The following MYRIP variants were observed in gnomAD, a reference collection of about 807,000 sequenced individuals.
MYRIP encodes the protein myosin VIIA and Rab interacting protein.
A neutral mutation model predicts 98.0 loss-of-function variants in MYRIP; 49 were observed. The ratio of observed to expected loss-of-function variants is 0.50; its 90% CI spans 0.40 to 0.63. The LOEUF (loss-of-function observed/expected upper bound fraction) is 0.63. Ranked by LOEUF, MYRIP falls within the 30% of genes least tolerant of loss-of-function variation. The probability of loss-of-function intolerance (pLI) is 0.00; values close to 1 mark genes in which losing one functional copy is unlikely to be tolerated. For missense variants in MYRIP, 1,004 were observed against 1,058.2 expected (o/e 0.95, Z 0.71); for synonymous variants, 404 against 409.5 (o/e 0.99, Z 0.16).
chr3:40,081,029 A>T (rs565553053), intron 3 of MYRIP, among the ~76,000 whole-genome samples: 11 of 152,116 alleles, frequency 7.2e-5, no homozygotes, highest in African/African-American at 2.6e-4. Flanking sequence ...TTTTTAAATT[A>T]ACAAAATATG....
intron 2 of MYRIP, among the ~76,000 whole-genome samples, chr3:39,937,480 C>G (rs912909699): frequency 9.9e-5 from 15 of 152,140 alleles, no homozygotes; most frequent in African/African-American, 3.6e-4. Context: ...TTTACTCTGA[C>G]CAGTTTCTGT....
At chr3:40,091,290 C>T (rs1948732843) in intron 3 of MYRIP, among the ~76,000 whole-genome samples, 2 of 136,096 alleles carry the variant, frequency 1.5e-5, no homozygotes, top group African/African-American at 2.6e-5. Context: ...AGATGCTTCA[C>T]CTTAGTAAAA....
intron 11 of MYRIP, among the ~76,000 whole-genome samples, chr3:40,227,207 T>A (rs574332753): frequency 3.7e-4 from 56 of 152,156 alleles, no homozygotes; most frequent in African/African-American, 1.3e-3. Flanking sequence ...CCAGAAGGAA[T>A]TAAATTAGTG....
At chr3:39,922,967 AAAT>A (rs74279287) in intron 2 of MYRIP, among the ~76,000 whole-genome samples, 1 of 151,568 alleles carries the variant, frequency 6.6e-6, no homozygotes, top group Non-Finnish European at 1.5e-5. Flanking sequence ...TACTAGAAAC[AAAT>A]AATAATAATA....
At chr3:40,016,673 A>T (rs1263768333) in intron 2 of MYRIP, among the ~76,000 whole-genome samples, 2 of 152,174 alleles carry the variant, frequency 1.3e-5, no homozygotes, top group Non-Finnish European at 2.9e-5. Context: ...CACAGTCTCC[A>T]TCTCAGGCTC....
intron 3 of MYRIP, among the ~76,000 whole-genome samples, chr3:40,142,156 G>T (rs913720310): frequency 7.1e-6 from 1 of 141,644 alleles, no homozygotes; most frequent in African/African-American, 2.6e-5. Flanking sequence ...AGGTTCAAAT[G>T]ATTCTCCTGC....
intron 11 of MYRIP, among the ~76,000 whole-genome samples, chr3:40,218,625 TATATATATATATA>T (rs1952220488): frequency 1.8e-4 from 3 of 17,084 alleles, no homozygotes; most frequent in African/African-American, 3.1e-4. Context: ...TATATATATA[TATATATATATATA>T]TATATATATA....
chr3:40,078,233 A>C (rs2125866725), intron 3 of MYRIP, among the ~76,000 whole-genome samples: 1 of 152,288 alleles, frequency 6.6e-6, no homozygotes, highest in African/African-American at 2.4e-5. Context: ...GCGGCCCGCC[A>C]AGCCCACGCC....
At chr3:39,964,626 G>A (rs1217887313) in intron 2 of MYRIP, among the ~76,000 whole-genome samples, 2 of 152,174 alleles carry the variant, frequency 1.3e-5, no homozygotes, top group Non-Finnish European at 2.9e-5. Context: ...AGGCCTGGCT[G>A]CAGTGCTGTT....
At chr3:40,201,001 G>A (rs1005746474) in intron 10 of MYRIP, among the ~76,000 whole-genome samples, 3 of 152,178 alleles carry the variant, frequency 2.0e-5, no homozygotes, top group African/African-American at 7.2e-5. Context: ...TCTGCAAAGC[G>A]ACAGAACAGT....
At chr3:40,131,285 T>C (rs931821925) in intron 3 of MYRIP, among the ~76,000 whole-genome samples, 20 of 152,226 alleles carry the variant, frequency 1.3e-4, no homozygotes, top group African/African-American at 4.8e-4. Flanking sequence ...CCAACTCTTA[T>C]CTATATTTAT....
At chr3:40,142,150 T>C (rs1457875507) in intron 3 of MYRIP, among the ~76,000 whole-genome samples, 1 of 151,086 alleles carries the variant, frequency 6.6e-6, no homozygotes, top group African/African-American at 2.4e-5. Context: ...CCTCCCAGGT[T>C]CAAATGATTC....
intron 3 of MYRIP, among the ~76,000 whole-genome samples, chr3:40,129,874 A>G (rs1165994760): frequency 6.6e-6 from 1 of 152,222 alleles, no homozygotes; most frequent in East Asian, 1.9e-4. Flanking sequence ...TTGTAATTTC[A>G]GTGCTGTTCT....
chr3:39,864,823 G>A (rs979948712), intron 1 of MYRIP, among the ~76,000 whole-genome samples: 17 of 151,550 alleles, frequency 1.1e-4, no homozygotes, highest in African/African-American at 3.6e-4. Context: ...TGGAACAAAC[G>A]AAAAAAAGCC....
At chr3:40,170,147 A>G (rs1950583617) in intron 8 of MYRIP, 54 bp downstream of exon 8, 1 of 1,600,594 alleles carries the variant, frequency 6.2e-7, no homozygotes, top group African/African-American at 1.3e-5. Context: ...TCTGGGGCAC[A>G]CATTTAACCC....
chr3:39,966,395 G>C lies in MYRIP; in HGVS notation c.110+65469G>C, dbSNP rs192414765. Among the ~76,000 whole-genome samples the C allele has an allele frequency of 3.9e-5, 6 of 152,270 alleles. No individual in the cohort carries two copies. In the East Asian group the frequency reaches 9.6e-4, roughly 24 times the overall value. On this transcript the variant is annotated intron_variant, in intron 2 of 16. Transcript: ENST00000302541. ...TTCTGAATGACCACTATATTTTCTT[G>C]CTTCTGCTCCAACTTCAAGAATAAT...
At chr3:40,158,467 A>G (rs913565080) in intron 4 of MYRIP, among the ~76,000 whole-genome samples, 1 of 152,050 alleles carries the variant, frequency 6.6e-6, no homozygotes, top group South Asian at 2.1e-4. Flanking sequence ...AAAAATGTAT[A>G]TTCTGTTGAT....
chr3:39,874,901 G>T (rs1413803964), intron 1 of MYRIP, among the ~76,000 whole-genome samples: 10 of 152,154 alleles, frequency 6.6e-5, no homozygotes. Flanking sequence ...GATTGGAATA[G>T]TTTCAGAAGG....
intron 10 of MYRIP, among the ~76,000 whole-genome samples, chr3:40,195,287 A>C (rs146493405): frequency 1.5e-3 from 225 of 152,054 alleles, no homozygotes; most frequent in Middle Eastern, 6.8e-3. Context: ...TTTCTTTTTT[A>C]TTTTTATTTC....
Sources: gnomAD v4.1 joint callset for allele counts (sites outside exome capture counted in the v4.1 genomes callset) on GRCh38, gnomAD v4.1.1 for gene constraint, MANE v1.5 for transcripts, NCBI Gene and HGNC (gene_info 2026-07-23, HGNC 2026-07-21) for gene names.